TESC: variants seen among roughly 807,000 people sequenced by gnomAD.
TESC encodes the protein tescalcin.
A neutral mutation model predicts 31.0 loss-of-function variants in TESC; 19 were observed. That is an observed-to-expected ratio of 0.61 (90% CI 0.43 to 0.90). TESC has a LOEUF of 0.90. TESC is among the 40% of genes least tolerant of loss of function. The probability of loss-of-function intolerance (pLI) is 0.00; values close to 1 mark genes in which losing one functional copy is unlikely to be tolerated. For missense variants in TESC, 248 were observed against 303.8 expected, an observed-to-expected ratio of 0.82 and a Z score of 1.36; for synonymous variants, 109 against 114.8, an observed-to-expected ratio of 0.95 and a Z score of 0.32.
chr12:117,088,856 G>A (rs185564928), intron 1 of TESC, among the ~76,000 whole-genome samples: 99 of 152,304 alleles, frequency 6.5e-4, no homozygotes, highest in African/African-American at 2.3e-3. Context: ...CCAAGTGCCA[G>A]GGGCAAGGAA....
intron 1 of TESC, among the ~76,000 whole-genome samples, chr12:117,075,970 T>C (rs1252466188): frequency 1.6e-5 from 2 of 126,312 alleles, no homozygotes; most frequent in Non-Finnish European, 1.6e-5. Context: ...TATATATGTA[T>C]GTATATATAT....
At chr12:117,041,842 G>C in intron 7 of TESC, 105 bp downstream of exon 7, 1 of 1,200,342 alleles carries the variant, frequency 8.3e-7, no homozygotes, top group Non-Finnish European at 1.1e-6. Context: ...CACCCAGGAA[G>C]CCTGTCCCTT....
At position 117,075,281 on chromosome 12, in the gene TESC, G is replaced by A. The variant is rs1358732920; in HGVS notation, c.118C>T (p.Pro40Ser). The change falls in exon 2 of 8, where the codon CCT (proline) becomes TCT (serine). Residue 40 changes from proline to serine, a missense_variant. Transcript: ENST00000335209. ...CGCTGCCAATCTTACCGAATGGTAG[G>A]CTGATCTCCACTCAGCTGCTTAAAT... Reference protein sequence around the residue: ...RRFKQLSGDQPTIRKENFNNV... With the variant: ...RRFKQLSGDQSTIRKENFNNV... 3.1e-6 allele frequency: 5 copies of A among 1,612,502 alleles called. No homozygotes were observed. The highest frequency in any genetic ancestry group is 2.2e-5 in the South Asian group (2 of 91,064).
intron 6 of TESC, among the ~76,000 whole-genome samples, chr12:117,046,189 G>C (rs1954555162): frequency 6.6e-6 from 1 of 152,170 alleles, no homozygotes; most frequent in East Asian, 1.9e-4. Context: ...TGAGTCATTT[G>C]TTAAGAAATA....
intron 2 of TESC, among the ~76,000 whole-genome samples, chr12:117,071,409 G>T (rs561455239): frequency 1.0e-3 from 159 of 151,986 alleles, no homozygotes; most frequent in African/African-American, 3.6e-3. Flanking sequence ...GTGAATGTTG[G>T]GATGGGGCAC....
chr12:117,057,794 C>T (rs1030325073), intron 2 of TESC, among the ~76,000 whole-genome samples: 3 of 151,866 alleles, frequency 2.0e-5, no homozygotes, highest in African/African-American at 7.3e-5. Context: ...GAGATGGAGT[C>T]TCGCTCTGCC....
At chr12:117,085,925 A>T (rs1298513843) in intron 1 of TESC, among the ~76,000 whole-genome samples, 1 of 152,226 alleles carries the variant, frequency 6.6e-6, no homozygotes, top group Non-Finnish European at 1.5e-5. Flanking sequence ...TCAATGTCCA[A>T]CAACTGGTGA....
intron 1 of TESC, among the ~76,000 whole-genome samples, chr12:117,086,797 A>G (rs1410146492): frequency 6.6e-6 from 1 of 152,164 alleles, no homozygotes; most frequent in Admixed American, 6.5e-5. Flanking sequence ...GATCATGCAC[A>G]CCCTTAGCAC....
intron 1 of TESC, among the ~76,000 whole-genome samples, chr12:117,092,504 C>A (rs1955326788): frequency 6.6e-6 from 1 of 152,206 alleles, no homozygotes; most frequent in African/African-American, 2.4e-5. Flanking sequence ...GGCCTGGAAG[C>A]CCCCATCCAG....
intron 2 of TESC, among the ~76,000 whole-genome samples, chr12:117,065,560 AG>A (rs1954865788): frequency 1.3e-5 from 2 of 152,174 alleles, no homozygotes; most frequent in Non-Finnish European, 2.9e-5. Context: ...TACATGAGTC[AG>A]GAGCTCAGGG....
At chr12:117,049,256 C>T in intron 3 of TESC, 98 bp from the exon 4 acceptor site, 1 of 1,526,314 alleles carries the variant, frequency 6.6e-7, no homozygotes, top group East Asian at 2.3e-5. Flanking sequence ...TCAGGGTGCA[C>T]ACTGGACCCA....
chr12:117,063,473 C>G (rs904780256), intron 2 of TESC, among the ~76,000 whole-genome samples: 1 of 152,140 alleles, frequency 6.6e-6, no homozygotes, highest in African/African-American at 2.4e-5. Context: ...CCTCAAGCCT[C>G]GTGGTGTGGG....
At chr12:117,041,696 A>G (rs1954486120) in intron 7 of TESC, among the ~76,000 whole-genome samples, 1 of 152,208 alleles carries the variant, frequency 6.6e-6, no homozygotes, top group African/African-American at 2.4e-5. Flanking sequence ...TTTGGTTTAC[A>G]CTATATACCC....
At chr12:117,091,715 C>T (rs1188455280) in intron 1 of TESC, among the ~76,000 whole-genome samples, 1 of 152,232 alleles carries the variant, frequency 6.6e-6, no homozygotes, top group African/African-American at 2.4e-5. Context: ...TCCCACTGCC[C>T]ACTACTGAGC....
At chr12:117,056,768 G>T in intron 3 of TESC, 38 bp downstream of exon 3, 4 of 1,595,772 alleles carry the variant, frequency 2.5e-6, no homozygotes, top group South Asian at 1.1e-5. Flanking sequence ...CAAGACAAGG[G>T]TGCCTGCCAC....
At chr12:117,096,002 A>C (rs1448819609) in intron 1 of TESC, among the ~76,000 whole-genome samples, 3 of 152,184 alleles carry the variant, frequency 2.0e-5, no homozygotes, top group African/African-American at 7.2e-5. Flanking sequence ...TCTAAGCCTC[A>C]GTTTCCTCAC....
At chr12:117,048,925 C>A in intron 4 of TESC, 94 bp downstream of exon 4, 1 of 1,583,476 alleles carries the variant, frequency 6.3e-7, no homozygotes, top group Non-Finnish European at 8.6e-7. Context: ...AATGCACACC[C>A]AGCCTCCTGC....
rs1234386577 is a variant in TESC at position 117,070,520 on chromosome 12, G to A, written c.128+4751C>T. ...GGCAGTGGTGACGGGAATTATAAAC[G>A]CACCTCCCCCACCCCCAGTAGCAGG... On this transcript the variant is annotated intron_variant, in intron 2 of 7. Transcript: ENST00000335209. Among the ~76,000 whole-genome samples, 6 of 152,074 alleles carry A rather than the reference G, an allele frequency of 3.9e-5. No homozygotes were observed. The East Asian group carries it at 9.6e-4, about 24-fold the overall frequency.
intron 6 of TESC, 138 bp from the exon 7 acceptor site, chr12:117,042,132 A>G (rs1366096894): frequency 1.2e-6 from 1 of 849,108 alleles, no homozygotes; most frequent in African/African-American, 1.7e-5. Context: ...GAATCACAAG[A>G]AGAGGAGAAC....
Sources: gnomAD v4.1 joint callset for allele counts (sites outside exome capture counted in the v4.1 genomes callset) on GRCh38, gnomAD v4.1.1 for gene constraint, MANE v1.5 for transcripts, NCBI Gene and HGNC (gene_info 2026-07-23, HGNC 2026-07-21) for gene names.